Variants in PPP1R1C observed in about 807,000 individuals in gnomAD.
The protein encoded by PPP1R1C is protein phosphatase 1 regulatory subunit 1C.
Under a neutral mutation model 17.4 loss-of-function variants are expected in PPP1R1C, and 15 were observed. The ratio of observed to expected loss-of-function variants is 0.86; its 90% confidence interval spans 0.58 to 1.33. PPP1R1C has a LOEUF of 1.33. Among genes scored for constraint, PPP1R1C ranks in the 40% most tolerant of loss-of-function variants. The pLI is 0.00. For missense variants in PPP1R1C, 143 were observed against 130.0 expected (o/e 1.10, Z -0.48); for synonymous variants, 35 against 43.1 (o/e 0.81, Z 0.73).
intron 4 of PPP1R1C, among the ~76,000 whole-genome samples, chr2:182,070,246 A>G (rs937570320): frequency 6.6e-6 from 1 of 152,214 alleles, no homozygotes; most frequent in Non-Finnish European, 1.5e-5. Flanking sequence ...GGCTCATACC[A>G]TGATCATTCC....
chr2:182,038,398 G>A (rs1168673413), intron 2 of PPP1R1C, among the ~76,000 whole-genome samples: 5 of 152,174 alleles, frequency 3.3e-5, no homozygotes, highest in African/African-American at 9.6e-5. Flanking sequence ...GGCACCTGGA[G>A]TAAACTATCT....
At chr2:182,090,289 C>CTGTGTGTGTGTG (rs142618201) in intron 4 of PPP1R1C, among the ~76,000 whole-genome samples, 19,651 of 145,552 alleles carry the variant, frequency 0.14, 1,483 homozygotes, top group African/African-American at 0.2. Flanking sequence ...ACTATAAATT[C>CTGTGTGTGTGTG]TGTGTGTGTG....
At chr2:182,073,541 T>C (rs1688200257) in intron 4 of PPP1R1C, among the ~76,000 whole-genome samples, 1 of 152,212 alleles carries the variant, frequency 6.6e-6, no homozygotes, top group Non-Finnish European at 1.5e-5. Flanking sequence ...CCTGTTTATA[T>C]GAAAAATGTT....
chr2:181,998,526 A>G (rs1685677870), intron 2 of PPP1R1C, among the ~76,000 whole-genome samples: 1 of 152,216 alleles, frequency 6.6e-6, no homozygotes, highest in African/African-American at 2.4e-5. Flanking sequence ...GTCAGCCATT[A>G]TAGAATCTTA....
chr2:181,966,969 AT>A (rs1291022526), intron 1 of PPP1R1C, among the ~76,000 whole-genome samples: 2 of 152,174 alleles, frequency 1.3e-5, no homozygotes, highest in Non-Finnish European at 2.9e-5. Flanking sequence ...ACTTTTTATT[AT>A]AGCATTGATC....
intron 1 of PPP1R1C, among the ~76,000 whole-genome samples, chr2:181,970,217 G>A (rs1684981784): frequency 6.6e-6 from 1 of 151,980 alleles, no homozygotes; most frequent in Non-Finnish European, 1.5e-5. Flanking sequence ...GGGCGTTGAA[G>A]GATTAGGTAT....
At chr2:182,065,335 A>G (rs1199073655) in intron 4 of PPP1R1C, among the ~76,000 whole-genome samples, 2 of 152,154 alleles carry the variant, frequency 1.3e-5, no homozygotes, top group Admixed American at 6.6e-5. Flanking sequence ...CTAAATGCAA[A>G]TATTTTATTT....
rs536897128 is a variant in PPP1R1C at position 182,072,515 on chromosome 2, A to G, written c.241+8724A>G. ...TAGTTTATTTTGGAGGAAAGTGTGG[A>G]TTACAGAGGAGCAGGGTTCCCATGT... is the stretch of plus-strand genomic sequence containing the variant. On this transcript the variant is annotated intron_variant, in intron 4 of 4. Transcript: ENST00000682840. Among the ~76,000 whole-genome samples the G allele has an allele frequency of 1.8e-3, 280 of 152,320 alleles. 2 individuals are homozygous for G. The highest frequency in any genetic ancestry group is 6.5e-3 in the African/African-American group (269 of 41,566).
intron 4 of PPP1R1C, among the ~76,000 whole-genome samples, chr2:182,079,187 G>A (rs947962787): frequency 1.3e-5 from 2 of 152,150 alleles, no homozygotes; most frequent in East Asian, 1.9e-4. Flanking sequence ...AGTTGTAGAG[G>A]TTGTCATAGA....
intron 4 of PPP1R1C, among the ~76,000 whole-genome samples, chr2:182,112,091 G>C (rs2125234927): frequency 6.6e-6 from 1 of 152,214 alleles, no homozygotes; most frequent in East Asian, 1.9e-4. Context: ...CACTGAATTA[G>C]CTTCATTACA....
At chr2:182,102,401 C>T (rs78913763) in intron 4 of PPP1R1C, among the ~76,000 whole-genome samples, 4,835 of 152,138 alleles carry the variant, frequency 0.032, 232 homozygotes, top group Admixed American at 0.13. Flanking sequence ...ATAACAGTGC[C>T]GCACATTCTC....
chr2:182,000,380 A>G (rs1225332622), intron 2 of PPP1R1C, among the ~76,000 whole-genome samples: 2 of 152,150 alleles, frequency 1.3e-5, no homozygotes, highest in African/African-American at 2.4e-5. Context: ...AGTGTAATCA[A>G]TCTACATGGC....
intron 2 of PPP1R1C, among the ~76,000 whole-genome samples, chr2:182,021,239 T>C (rs1408750178): frequency 6.6e-6 from 1 of 151,942 alleles, no homozygotes; most frequent in Non-Finnish European, 1.5e-5. Context: ...GGAGTAGACC[T>C]TTGTGAAGTT....
At chr2:182,045,109 AG>A (rs1687303795) in intron 2 of PPP1R1C, among the ~76,000 whole-genome samples, 1 of 152,222 alleles carries the variant, frequency 6.6e-6, no homozygotes, top group Non-Finnish European at 1.5e-5. Flanking sequence ...ACTACAGTTT[AG>A]AACACACTGT....
intron 2 of PPP1R1C, among the ~76,000 whole-genome samples, chr2:182,035,044 G>A (rs904916833): frequency 6.6e-6 from 1 of 152,198 alleles, no homozygotes; most frequent in Non-Finnish European, 1.5e-5. Flanking sequence ...CCCAGTGCCT[G>A]GCACCTCCTT....
At chr2:182,009,618 G>A (rs2125154402) in intron 2 of PPP1R1C, among the ~76,000 whole-genome samples, 1 of 152,146 alleles carries the variant, frequency 6.6e-6, no homozygotes, top group East Asian at 1.9e-4. Context: ...CTGTGCAGAA[G>A]CTTTCTAACT....
intron 2 of PPP1R1C, among the ~76,000 whole-genome samples, chr2:182,017,793 T>C (rs1686303504): frequency 6.6e-6 from 1 of 152,144 alleles, no homozygotes; most frequent in South Asian, 2.1e-4. Context: ...CATGTTGTTT[T>C]CATAGAACTG....
upstream of PPP1R1C, among the ~76,000 whole-genome samples, chr2:181,983,315 C>G (rs1289008179): frequency 1.3e-5 from 2 of 152,156 alleles, no homozygotes; most frequent in African/African-American, 4.8e-5. Flanking sequence ...ATTATCTAAA[C>G]TCTCTGACTC....
chr2:182,041,006 C>T (rs949610662), intron 2 of PPP1R1C, among the ~76,000 whole-genome samples: 2 of 152,068 alleles, frequency 1.3e-5, no homozygotes, highest in African/African-American at 2.4e-5. Flanking sequence ...TTCCATTGGT[C>T]TAGGTGTCTA....
Sources: allele counts gnomAD v4.1 joint callset (sites outside exome capture counted in the v4.1 genomes callset), GRCh38; gene constraint gnomAD v4.1.1; transcripts MANE v1.5; gene names NCBI Gene and HGNC (gene_info 2026-07-23, HGNC 2026-07-21).